Variants in MRPL43 observed in about 807,000 individuals in gnomAD.
MRPL43 encodes the protein mitochondrial ribosomal protein L43.
A neutral mutation model predicts 12.7 loss-of-function variants in MRPL43; 9 were observed. That is an observed-to-expected ratio of 0.71 (90% CI 0.43 to 1.24). MRPL43 has a LOEUF of 1.24. Among genes scored for constraint, MRPL43 ranks in the 50% most tolerant of loss-of-function variants. The pLI is 0.00. For synonymous variants in MRPL43, 116 were observed against 96.4 expected, an observed-to-expected ratio of 1.20 and a Z score of -1.19; for missense variants, 211 against 229.2, an observed-to-expected ratio of 0.92 and a Z score of 0.51.
chr10:100,982,178 A>G (rs1564798529), downstream of MRPL43, among the ~76,000 whole-genome samples: 2 of 152,004 alleles, frequency 1.3e-5, no homozygotes, highest in South Asian at 4.2e-4. Flanking sequence ...CCAGGCAAGC[A>G]GAGGACATGG....
downstream of MRPL43, chr10:100,979,877 G>A (rs751695050): frequency 1.3e-5 from 21 of 1,613,830 alleles, no homozygotes; most frequent in South Asian, 5.5e-5. Flanking sequence ...GCCATCTGCC[G>A]CTATGACCTG....
At chr10:100,985,603 C>G (rs1010346124), downstream of MRPL43, 1 of 152,598 alleles carries the variant, frequency 6.6e-6, no homozygotes, top group African/African-American at 2.4e-5. Context: ...TAATAAACAC[C>G]CTTTTTCCCC....
chr10:100,987,320 C>T lies in MRPL43; in HGVS notation c.124G>A (p.Gly42Ser), dbSNP rs1282860549. The T allele has an allele frequency of 6.2e-7, 1 of 1,612,246 alleles. No individual in the cohort carries two copies. Among genetic ancestry groups the T allele is most frequent in the Admixed American group, 1.7e-5 (1 of 59,992 alleles). ...GCACTTCCCTTGGCTCACCTGGCGC[C>T]GCGAGACGAGGCGCCGTCGCGGCTG... ...SVSRDGASSR[G>S]AREFVEREVI... Residue 42 changes from glycine to serine, a missense_variant, in exon 1 of 3, where the codon GGC becomes AGC. By Grantham distance (56) the Gly-to-Ser change is moderately conservative (BLOSUM62 0). Coordinates refer to ENST00000318364, the MANE Select transcript of MRPL43 (RefSeq NM_032112.3).
downstream of MRPL43, chr10:100,979,973 C>T (rs1850983227): frequency 6.2e-7 from 1 of 1,614,112 alleles, no homozygotes; most frequent in Non-Finnish European, 8.5e-7. Context: ...GGTGGGGTGC[C>T]TGAGCCCCGG....
In MRPL43 at chr10:100,987,070, C is replaced by T. The variant is rs745423073; in HGVS notation, c.238+20G>A. 3.7e-6 allele frequency: 6 copies of T among 1,612,272 alleles called. No homozygotes were observed. In the East Asian group the frequency reaches 1.3e-4, roughly 36 times the overall value. The stretch of plus-strand genomic sequence containing the variant: ...CGAGCCCCTGATCCCGCCCTCCAGC[C>T]CGAGCCCGGCCCCACTCACGGTATT... On this transcript the variant is annotated intron_variant, in intron 2 of 2. Transcript: ENST00000318364.
chr10:100,979,671 C>A (rs1485871045), downstream of MRPL43, among the ~76,000 whole-genome samples: 1 of 152,126 alleles, frequency 6.6e-6, no homozygotes, highest in African/African-American at 2.4e-5. Context: ...ATTTTAAGCA[C>A]ATCAAGCTAG....
downstream of MRPL43, chr10:100,978,035 G>A: frequency 1.7e-6 from 1 of 573,938 alleles, no homozygotes; most frequent in Admixed American, 3.1e-5. Flanking sequence ...CACAGGATGG[G>A]CTAGGGGCTC....
downstream of MRPL43, chr10:100,979,172 A>G (rs777213392): frequency 6.2e-7 from 1 of 1,614,232 alleles, no homozygotes; most frequent in Non-Finnish European, 8.5e-7. Context: ...CTCATCTGCC[A>G]CATTCCACTG....
At chr10:100,979,470 C>T (rs1850953322), downstream of MRPL43, 1 of 1,391,654 alleles carries the variant, frequency 7.2e-7, no homozygotes. Context: ...GCAATCTCCG[C>T]CTCCCGGGTT....
downstream of MRPL43, among the ~76,000 whole-genome samples, chr10:100,986,116 C>T (rs1355977137): frequency 6.6e-6 from 1 of 152,184 alleles, no homozygotes; most frequent in East Asian, 1.9e-4. Flanking sequence ...GTCTGAGAAT[C>T]ACTCCCCTCT....
downstream of MRPL43, chr10:100,985,074 T>G (rs1851369510): frequency 1.6e-6 from 1 of 638,576 alleles, no homozygotes; most frequent in Non-Finnish European, 2.5e-6. Context: ...TTAACTGTCC[T>G]CACAGGCCCT....
At chr10:100,981,489 G>C (rs769476970), downstream of MRPL43, 7 of 1,614,224 alleles carry the variant, frequency 4.3e-6, no homozygotes, top group Non-Finnish European at 8.5e-7. Context: ...GATGACAAGG[G>C]TTCAGGACGG....
downstream of MRPL43, chr10:100,979,950 G>GTATT: frequency 6.2e-7 from 1 of 1,614,080 alleles, no homozygotes; most frequent in Non-Finnish European, 8.5e-7. Context: ...CCCGGCGCTG[G>GTATT]GGTCGCTATG....
downstream of MRPL43, chr10:100,980,467 A>G (rs1249330490): frequency 1.5e-6 from 2 of 1,348,150 alleles, no homozygotes; most frequent in Non-Finnish European, 2.1e-6. Flanking sequence ...CTCCTGGCTG[A>G]GTCCTTGTTC....
downstream of MRPL43, chr10:100,983,388 C>T (rs146245319): frequency 1.1e-3 from 1,723 of 1,611,048 alleles, 3 homozygotes; most frequent in Non-Finnish European, 1.0e-3. Flanking sequence ...CAACCTGGCC[C>T]GGGCCTTGTG....
downstream of MRPL43, chr10:100,978,279 G>A (rs1288213123): frequency 6.2e-7 from 1 of 1,604,590 alleles, no homozygotes; most frequent in East Asian, 2.2e-5. Context: ...CTTACTGCTG[G>A]TTCCTTGTTC....
At chr10:100,980,665 T>C (rs764733748), downstream of MRPL43, 32 of 1,613,986 alleles carry the variant, frequency 2.0e-5, no homozygotes, top group Non-Finnish European at 2.6e-5. Flanking sequence ...TCCCAGTCTG[T>C]GGAAAATCTA....
At chr10:100,983,826 G>A (rs761489347), downstream of MRPL43, 84 of 1,599,878 alleles carry the variant, frequency 5.3e-5, no homozygotes, top group Non-Finnish European at 7.2e-5. Flanking sequence ...TCCTGGAGAG[G>A]AAGATGAGGG....
At position 100,986,286 on chromosome 10, in the gene MRPL43, T is replaced by A; in HGVS notation, c.*448A>T. The A allele has an allele frequency of 7.3e-7, 1 of 1,373,354 alleles. No homozygotes were observed. The highest frequency in any genetic ancestry group is 9.4e-7 in the Non-Finnish European group (1 of 1,068,838). The allele number at this position is 1,373,354 out of a possible 1,614,324, so 85.1% of individuals were successfully genotyped here. The stretch of plus-strand genomic sequence containing the variant: ...GACAGACCTGAAATGTGACCTTGGA[T>A]AAGTTTATTAACCTGTTTTATAAAT... On this transcript the variant is annotated 3_prime_UTR_variant, in exon 3 of 3. Transcript: ENST00000318364.
Sources: gnomAD v4.1 joint callset for allele counts (sites outside exome capture counted in the v4.1 genomes callset) on GRCh38, gnomAD v4.1.1 for gene constraint, MANE v1.5 for transcripts, NCBI Gene and HGNC (gene_info 2026-07-23, HGNC 2026-07-21) for gene names.